The following BBS5 variants were observed in gnomAD, a reference collection of about 807,000 sequenced individuals.
BBS5 encodes Bardet-Biedl syndrome 5, also known as BBSome complex member BBS5.
A neutral mutation model predicts 50.2 loss-of-function variants in BBS5; 39 were observed. The ratio of observed to expected loss-of-function variants is 0.78; its 90% CI spans 0.60 to 1.01. The LOEUF (loss-of-function observed/expected upper bound fraction) is 1.01. BBS5 is among the 50% of genes least tolerant of loss of function. The pLI, the probability that BBS5 is intolerant of heterozygous loss-of-function variation, is 0.00. For missense variants in BBS5, 356 were observed against 401.5 expected, an observed-to-expected ratio of 0.89 and a Z score of 0.97; for synonymous variants, 134 against 133.1, an observed-to-expected ratio of 1.01 and a Z score of -0.05.
At chr2:169,480,287 G>A (rs16856972) in intron 1 of BBS5, among the ~76,000 whole-genome samples, 10,891 of 152,234 alleles carry the variant, frequency 0.072, 552 homozygotes, top group South Asian at 0.21. Context: ...AGAAAAAGTG[G>A]TTAGAAACCT....
intron 7 of BBS5, 91 bp from the exon 8 acceptor site, chr2:169,497,536 T>C: frequency 1.2e-6 from 1 of 804,518 alleles, no homozygotes. Flanking sequence ...CTATGAAAAG[T>C]AAATACTGTG....
intron 2 of BBS5, among the ~76,000 whole-genome samples, chr2:169,483,935 T>C (rs1683445669): frequency 6.6e-6 from 1 of 152,190 alleles, no homozygotes; most frequent in Non-Finnish European, 1.5e-5. Flanking sequence ...AGAAAGCCAA[T>C]AGAAAGTCTC....
At chr2:169,498,123 A>G (rs946445578) in intron 8 of BBS5, among the ~76,000 whole-genome samples, 1 of 152,206 alleles carries the variant, frequency 6.6e-6, no homozygotes, top group Non-Finnish European at 1.5e-5. Context: ...ATTTACCAAG[A>G]CTGTCTTTGA....
At position 169,505,311 on chromosome 2, in the gene BBS5, C is replaced by G; in HGVS notation, c.*729C>G. On this transcript the variant is annotated 3_prime_UTR_variant, in exon 12 of 12. Transcript: ENST00000295240. ...GCGTGATCTCCGCTCGCTACAACCT[C>G]CACCTCCCAGCTGCCTGCCTTGGCC... is the stretch of plus-strand genomic sequence containing the variant. The G allele has an allele frequency of 2.7e-6, 1 of 375,122 alleles. No homozygotes were observed. The highest frequency in any genetic ancestry group is 5.1e-6 in the Non-Finnish European group (1 of 196,990). The allele number at this position is 375,122 out of a possible 1,614,324, so 23.2% of individuals were successfully genotyped here.
chr2:169,482,491 G>T, intron 2 of BBS5, 158 bp downstream of exon 2: 1 of 660,866 alleles, frequency 1.5e-6, no homozygotes, highest in South Asian at 1.7e-5. Context: ...TTAAACAGAA[G>T]ACAGGATAGG....
chr2:169,491,806 T>C (rs1683606924), intron 5 of BBS5, among the ~76,000 whole-genome samples: 1 of 152,150 alleles, frequency 6.6e-6, no homozygotes, highest in South Asian at 2.1e-4. Context: ...AAGTAATTGT[T>C]TTTGTTTTGA....
rs956310554 is a variant in BBS5 at position 169,504,885 on chromosome 2, G to A, written c.*303G>A. 2.2e-5 allele frequency: 35 copies of A among 1,613,358 alleles called. No individual in the cohort carries two copies. Among genetic ancestry groups the A allele is most frequent in the South Asian group, 7.7e-5 (7 of 91,060 alleles). ...CTCCTACAGCAGTGCCTGCACGCCC[G>A]GCTGCAAATTCGCCCAGCCAATGGG... On this transcript the variant is annotated 3_prime_UTR_variant, in exon 12 of 12. Transcript: ENST00000295240.
chr2:169,488,605 C>A (rs1186775846), intron 5 of BBS5, among the ~76,000 whole-genome samples: 1 of 152,218 alleles, frequency 6.6e-6, no homozygotes, highest in Non-Finnish European at 1.5e-5. Flanking sequence ...TGACCAGTAC[C>A]CATCTATCTG....
rs534048614 is a variant in BBS5, at chr2:169,480,805, C to T, written c.59+1193C>T. Among the ~76,000 whole-genome samples, 3 of 151,156 alleles carry T rather than the reference C, an allele frequency of 2.0e-5. No individual in the cohort carries two copies. In the South Asian group the frequency reaches 6.3e-4, roughly 32 times the overall value. The stretch of plus-strand genomic sequence containing the variant: ...CAAGCAATTCTCCTGCCTCAGCCTC[C>T]AGAGTAGCTGGGATTACAGGCACGC... On this transcript the variant is annotated intron_variant, in intron 1 of 11. Coordinates refer to ENST00000295240, the MANE Select transcript of BBS5 (RefSeq NM_152384.3).
chr2:169,493,295 C>T (rs899763065), intron 6 of BBS5, among the ~76,000 whole-genome samples: 1 of 152,122 alleles, frequency 6.6e-6, no homozygotes, highest in African/African-American at 2.4e-5. Context: ...AACTCCGCTC[C>T]TATCCTTATA....
chr2:169,482,150 G>T, intron 1 of BBS5, 101 bp from the exon 2 acceptor site: 1 of 787,300 alleles, frequency 1.3e-6, no homozygotes, highest in Non-Finnish European at 2.3e-6. Flanking sequence ...TATTATTTAT[G>T]CTGTTAGCTG....
intron 5 of BBS5, among the ~76,000 whole-genome samples, chr2:169,488,458 A>G (rs1277998275): frequency 1.3e-5 from 2 of 152,254 alleles, no homozygotes; most frequent in African/African-American, 4.8e-5. Flanking sequence ...TGCATGTGCA[A>G]TTCACAGTAG....
In BBS5 at chr2:169,480,637, T is replaced by C. The variant is rs115259578; in HGVS notation, c.59+1025T>C. 7.3e-3 allele frequency among the ~76,000 whole-genome samples: 1,089 copies of C among 149,752 alleles called. 20 individuals carry two copies. The highest frequency in any genetic ancestry group is 0.025 in the African/African-American group (1,028 of 41,016). On this transcript the variant is annotated intron_variant, in intron 1 of 11. Transcript: ENST00000295240. ...CGTAAAATTACGGACTGTAGTAACA[T>C]ATTGCGCACTTTCTATGACATTTTC...
At chr2:169,503,315 T>G in intron 10 of BBS5, 137 bp downstream of exon 10, 1 of 740,754 alleles carries the variant, frequency 1.3e-6, no homozygotes, top group Non-Finnish European at 2.3e-6. Flanking sequence ...AAGATAATAT[T>G]TTTAGTGAGG....
intron 7 of BBS5, among the ~76,000 whole-genome samples, chr2:169,496,088 A>G (rs892949630): frequency 6.6e-6 from 1 of 152,200 alleles, no homozygotes; most frequent in Non-Finnish European, 1.5e-5. Context: ...CTATCTGTCT[A>G]GAAGCATGGT....
chr2:169,487,009 C>T (rs1683496687), intron 2 of BBS5, 60 bp from the exon 3 acceptor site: 2 of 1,072,256 alleles, frequency 1.9e-6, no homozygotes, highest in Non-Finnish European at 2.9e-6. Flanking sequence ...CCATCTCATT[C>T]AGTGCTGCAA....
chr2:169,486,030 C>G (rs1299217016), intron 2 of BBS5, among the ~76,000 whole-genome samples: 1 of 152,224 alleles, frequency 6.6e-6, no homozygotes, highest in Non-Finnish European at 1.5e-5. Context: ...CTTCTATGAT[C>G]TTGTGTGAAC....
At chr2:169,495,381 G>A (rs1683675203) in intron 7 of BBS5, among the ~76,000 whole-genome samples, 2 of 152,142 alleles carry the variant, frequency 1.3e-5, no homozygotes. Context: ...ACAACCTTGT[G>A]CTTTCTGTTC....
At chr2:169,502,165 A>G (rs1459412121) in intron 9 of BBS5, among the ~76,000 whole-genome samples, 1 of 152,178 alleles carries the variant, frequency 6.6e-6, no homozygotes, top group Non-Finnish European at 1.5e-5. Flanking sequence ...CTAGCACACG[A>G]TAGGCTCTTA....
Sources: allele counts gnomAD v4.1 joint callset (sites outside exome capture counted in the v4.1 genomes callset), GRCh38; gene constraint gnomAD v4.1.1; transcripts MANE v1.5; gene names NCBI Gene and HGNC (gene_info 2026-07-23, HGNC 2026-07-21).